Variants in DPF3 observed in about 807,000 individuals in gnomAD.
DPF3 encodes the protein double PHD fingers 3.
Under a neutral mutation model 56.8 loss-of-function variants are expected in DPF3, and 18 were observed. That is an observed-to-expected ratio of 0.32 (90% CI 0.22 to 0.47). DPF3 has a LOEUF of 0.47. Ranked by LOEUF, DPF3 falls within the 20% of genes least tolerant of loss-of-function variation. The pLI is 1.00. For synonymous variants in DPF3, 188 were observed against 180.2 expected (o/e 1.04, Z -0.35); for missense variants, 403 against 488.8 (o/e 0.82, Z 1.65).
chr14:72,838,453 C>T (rs1298481167), intron 1 of DPF3, among the ~76,000 whole-genome samples: 4 of 152,130 alleles, frequency 2.6e-5, no homozygotes, highest in Non-Finnish European at 4.4e-5. Flanking sequence ...GAGATCGAGC[C>T]ACTGCACTCC....
intron 2 of DPF3, among the ~76,000 whole-genome samples, chr14:72,760,607 A>C (rs968567454): frequency 2.0e-5 from 3 of 152,222 alleles, no homozygotes; most frequent in Non-Finnish European, 4.4e-5. Flanking sequence ...TATACTATTC[A>C]TGAAATAGAA....
chr14:72,810,493 G>A (rs1882993841), intron 1 of DPF3, among the ~76,000 whole-genome samples: 1 of 152,200 alleles, frequency 6.6e-6, no homozygotes, highest in South Asian at 2.1e-4. Flanking sequence ...TTAGTGACTT[G>A]AAGGGAAAGA....
intron 1 of DPF3, among the ~76,000 whole-genome samples, chr14:72,786,775 G>A (rs942083567): frequency 2.0e-5 from 3 of 152,150 alleles, no homozygotes; most frequent in African/African-American, 4.8e-5. Context: ...TAATAATAAG[G>A]AAAACAAGCA....
intron 1 of DPF3, among the ~76,000 whole-genome samples, chr14:72,855,178 G>T (rs1222514113): frequency 6.6e-6 from 1 of 152,134 alleles, no homozygotes; most frequent in Non-Finnish European, 1.5e-5. Context: ...TGACGATCAC[G>T]CCTATTTACT....
intron 7 of DPF3, among the ~76,000 whole-genome samples, chr14:72,688,449 T>A (rs1326070497): frequency 3.9e-5 from 6 of 152,124 alleles, no homozygotes; most frequent in Non-Finnish European, 8.8e-5. Context: ...AAAAATTACC[T>A]CAAAAACATC....
In DPF3 at chr14:72,612,915, CA is replaced by C. The variant is rs1883830370; in HGVS notation, c.*6381del. 6.6e-6 allele frequency among the ~76,000 whole-genome samples: 1 copy of C among 152,072 alleles called. No homozygotes were observed. The highest frequency in any genetic ancestry group is 1.5e-5 in the Non-Finnish European group (1 of 68,018). On this transcript the variant is annotated 3_prime_UTR_variant, in exon 11 of 11. Transcript: ENST00000556509. ...ACTGGAGAAGACTTCAGGAAAGATG[CA>C]CCTTGCCTGGCAGCCCCTGGCTCTC... is the stretch of plus-strand genomic sequence containing the variant.
chr14:72,705,803 G>A (rs1348467977), intron 6 of DPF3, among the ~76,000 whole-genome samples: 1 of 152,228 alleles, frequency 6.6e-6, no homozygotes, highest in Non-Finnish European at 1.5e-5. Context: ...AGTCCAGCCT[G>A]AGGGAGCAGA....
intron 1 of DPF3, among the ~76,000 whole-genome samples, chr14:72,875,606 C>T (rs144076597): frequency 1.2e-3 from 182 of 152,314 alleles, no homozygotes; most frequent in African/African-American, 3.9e-3. Context: ...GAGGCTGCAC[C>T]CAAGCCGTGG....
intron 8 of DPF3, chr14:72,669,950 A>G: frequency 1.0e-6 from 1 of 985,934 alleles, no homozygotes; most frequent in South Asian, 4.7e-5. Context: ...GCCAAGACAT[A>G]CCTTTTGACT....
chr14:72,649,717 T>C (rs1403370858), intron 8 of DPF3, among the ~76,000 whole-genome samples: 2 of 152,022 alleles, frequency 1.3e-5, no homozygotes, highest in Non-Finnish European at 2.9e-5. Flanking sequence ...GCGCTTCCTA[T>C]GTGCTAGGCA....
intron 10 of DPF3, 63 bp downstream of exon 10, chr14:72,619,840 T>G: frequency 7.1e-7 from 1 of 1,416,276 alleles, no homozygotes. Context: ...TAGTGAGAGC[T>G]CAGTAAGTGC....
At chr14:72,877,008 T>C (rs1886142814) in intron 1 of DPF3, among the ~76,000 whole-genome samples, 1 of 152,166 alleles carries the variant, frequency 6.6e-6, no homozygotes. Flanking sequence ...CTTTCCTTCC[T>C]TTGTGCCCCT....
chr14:72,728,621 A>G (rs73300199), intron 4 of DPF3, among the ~76,000 whole-genome samples: 3,830 of 152,200 alleles, frequency 0.025, 142 homozygotes, highest in African/African-American at 0.087. Flanking sequence ...AGAGACGGGA[A>G]GAACTGGGGA....
At chr14:72,755,628 G>A (rs192596786) in intron 2 of DPF3, among the ~76,000 whole-genome samples, 2 of 152,156 alleles carry the variant, frequency 1.3e-5, no homozygotes, top group Non-Finnish European at 2.9e-5. Flanking sequence ...ACAAATGTCA[G>A]TTGTTAATTG....
At chr14:72,779,943 G>C (rs1402093831) in intron 1 of DPF3, among the ~76,000 whole-genome samples, 3 of 152,238 alleles carry the variant, frequency 2.0e-5, no homozygotes, top group Non-Finnish European at 4.4e-5. Context: ...GGCAGCTGAT[G>C]CATGGTGACC....
At chr14:72,724,360 T>C (rs1438301865) in intron 4 of DPF3, among the ~76,000 whole-genome samples, 1 of 152,064 alleles carries the variant, frequency 6.6e-6, no homozygotes, top group Non-Finnish European at 1.5e-5. Context: ...AGAATCCAAT[T>C]TCCATTTTGC....
chr14:72,749,984 T>A (rs1890499718), intron 3 of DPF3, among the ~76,000 whole-genome samples: 1 of 152,180 alleles, frequency 6.6e-6, no homozygotes, highest in South Asian at 2.1e-4. Context: ...ACCCTGGGAT[T>A]TACTGGTACA....
intron 1 of DPF3, among the ~76,000 whole-genome samples, chr14:72,861,721 G>GAAAGAA: frequency 2.8e-5 from 1 of 35,792 alleles, no homozygotes; most frequent in Non-Finnish European, 5.1e-5. Context: ...AGAAGAAAGA[G>GAAAGAA]AGAGAAAGAA....
chr14:72,832,028 G>A (rs1884080867), intron 1 of DPF3, among the ~76,000 whole-genome samples: 1 of 151,952 alleles, frequency 6.6e-6, no homozygotes. Flanking sequence ...GACCAGCCTG[G>A]GCAACATAAC....
Sources: gnomAD v4.1 joint callset for allele counts (sites outside exome capture counted in the v4.1 genomes callset) on GRCh38, gnomAD v4.1.1 for gene constraint, MANE v1.5 for transcripts, NCBI Gene and HGNC (gene_info 2026-07-23, HGNC 2026-07-21) for gene names.